Variants in MAN2A2 observed in about 807,000 individuals in gnomAD.
MAN2A2 encodes alpha-mannosidase 2x.
Under a neutral mutation model 126.8 loss-of-function variants are expected in MAN2A2, and 79 were observed. That is an observed-to-expected ratio of 0.62 (90% CI 0.52 to 0.75). The LOEUF (loss-of-function observed/expected upper bound fraction) is 0.75, where lower values mean the gene tolerates loss of function less well. Ranked by LOEUF, MAN2A2 falls within the 30% of genes least tolerant of loss-of-function variation. The probability of loss-of-function intolerance (pLI) is 0.00; values close to 1 mark genes in which losing one functional copy is unlikely to be tolerated. For synonymous variants in MAN2A2, 671 were observed against 618.7 expected (o/e 1.08, Z -1.25); for missense variants, 1,392 against 1,522.4 (o/e 0.91, Z 1.43).
intron 20 of MAN2A2, 183 bp downstream of exon 20, chr15:90,916,439 C>T (rs527991800): frequency 1.9e-6 from 2 of 1,075,482 alleles, no homozygotes; most frequent in East Asian, 5.2e-5. Context: ...CAGCCTGGCA[C>T]CTTCCTCTCC....
At position 90,909,345 on chromosome 15, in the gene MAN2A2, C is replaced by A. The variant is rs754403195; in HGVS notation, c.1215C>A (p.Asp405Glu). ...GCCCCAGGGCAGCCCTGCTTCTGGA[C>A]CAATACCGGAAGAAGTCCCAGCTGT... is the stretch of plus-strand genomic sequence containing the variant. ...NVAERAALLL[D>E]QYRKKSQLFR... The change falls in exon 9 of 23, where the codon GAC becomes GAA. Residue 405 changes from aspartate to glutamate, a missense_variant. By Grantham distance (45) the Asp-to-Glu change is conservative (BLOSUM62 2). Coordinates refer to ENST00000559717, the MANE Select transcript of MAN2A2 (RefSeq NM_006122.4). 2.1e-5 allele frequency: 34 copies of A among 1,612,780 alleles called. No homozygotes were observed. Among genetic ancestry groups the A allele is most frequent in the Non-Finnish European group, 2.9e-5 (34 of 1,178,954 alleles).
intron 6 of MAN2A2, 32 bp from the exon 7 acceptor site, chr15:90,906,708 C>T: frequency 6.2e-7 from 1 of 1,606,168 alleles, no homozygotes; most frequent in Non-Finnish European, 8.5e-7. Flanking sequence ...GAGGTGTGTT[C>T]AGGGCCTCTC....
intron 12 of MAN2A2, 78 bp downstream of exon 12, chr15:90,911,039 C>A: frequency 6.7e-6 from 10 of 1,483,704 alleles, no homozygotes; most frequent in Non-Finnish European, 8.4e-6. Flanking sequence ...ATGGGGGTGC[C>A]GCTTCTCTTT....
chr15:90,911,627 C>G, intron 14 of MAN2A2, 77 bp downstream of exon 14: 1 of 1,457,430 alleles, frequency 6.9e-7, no homozygotes, highest in Admixed American at 2.1e-5. Flanking sequence ...CGCCAGCCTC[C>G]CACCCTCCTG....
At chr15:90,911,055 T>A (rs1596157411) in intron 12 of MAN2A2, 94 bp downstream of exon 12, 1 of 1,479,004 alleles carries the variant, frequency 6.8e-7, no homozygotes, top group Non-Finnish European at 9.4e-7. Flanking sequence ...TCTTTTTCCT[T>A]CCCCATCCGG....
In MAN2A2 at chr15:90,904,337, C is replaced by CGGGT; in HGVS notation, c.132_132+3dup. On this transcript the variant is annotated frameshift_variant and splice_region_variant, in exon 2 of 23. Coordinates refer to ENST00000559717, the MANE Select transcript of MAN2A2 (RefSeq NM_006122.4). LOFTEE classifies it high-confidence loss of function. ...ACACCAGAATGGTGGGAACTTCCCC[C>CGGGT]GGGTGAGTCGTGCCTGGTTGCTAAT... is the stretch of plus-strand genomic sequence containing the variant. 3.1e-6 allele frequency: 5 copies of CGGGT among 1,613,236 alleles called. No homozygotes were observed. Among genetic ancestry groups the CGGGT allele is most frequent in the Non-Finnish European group, 4.2e-6 (5 of 1,179,296 alleles).
Position 90,912,121 on chromosome 15 carries a change from C to G in MAN2A2, c.2188C>G (p.Leu730Val). Residue 730 changes from leucine (L) to valine (V), a missense_variant, in exon 15 of 23, where the codon CTG becomes GTG. Transcript: ENST00000559717. ...GCTGGGCCTGGATGGGCACCGCACG[C>G]TGCCCTCCTCTGTGCGCATCTACCT... ...LQLGLDGHRT[L>V]PSSVRIYLHG... is the part of the protein sequence containing the mutation. 6.2e-7 allele frequency: 1 copy of G among 1,613,732 alleles called. No homozygotes were observed. The highest frequency in any genetic ancestry group is 2.2e-5 in the East Asian group (1 of 44,874).
rs1323908658 is a variant in MAN2A2, at chr15:90,907,470, A to G, written c.1171A>G (p.Ile391Val). The stretch of plus-strand genomic sequence containing the variant: ...CCCTTGGAAGGTGCCACCCCGGGCC[A>G]TCACAGAGGCCAACGTGGCAGAGAG... ...NCPWKVPPRAITEANVAERAA... is the reference protein window; with the variant it reads ...NCPWKVPPRAVTEANVAERAA... The change falls in exon 8 of 23, where the codon ATC becomes GTC. Residue 391 changes from isoleucine to valine, a missense_variant. By Grantham distance (29) the Ile-to-Val change is conservative. Coordinates refer to ENST00000559717, the MANE Select transcript of MAN2A2 (RefSeq NM_006122.4). 3.7e-6 allele frequency: 6 copies of G among 1,613,052 alleles called. No individual in the cohort carries two copies. In the South Asian group the frequency reaches 4.4e-5, roughly 12 times the overall value.
chr15:90,912,260 G>C lies in MAN2A2; in HGVS notation c.2327G>C (p.Gly776Ala). Reference protein sequence around the residue: ...SNRYMQVWFSGLTGLLKSIRR... With the variant: ...SNRYMQVWFSALTGLLKSIRR... Reference sequence around the variant, plus strand: ...CGCTACATGCAGGTCTGGTTCTCAGGCCTTACTGGGCTCCTCAAGGTAAAA... The same window carrying C: ...CGCTACATGCAGGTCTGGTTCTCAGCCCTTACTGGGCTCCTCAAGGTAAAA... The change falls in exon 15 of 23, where the codon GGC (glycine) becomes GCC (alanine). Residue 776 changes from glycine to alanine, a missense_variant. Transcript: ENST00000559717. 1 of 1,614,232 alleles carries C rather than the reference G, an allele frequency of 6.2e-7. No individual in the cohort carries two copies. The highest frequency in any genetic ancestry group is 8.5e-7 in the Non-Finnish European group (1 of 1,180,042).
In MAN2A2 at chr15:90,918,629, A is replaced by G. The variant is rs777966466; in HGVS notation, c.3190-16A>G. On this transcript the variant is annotated splice_polypyrimidine_tract_variant and intron_variant, in intron 21 of 22. Transcript: ENST00000559717. ...AAGCCCTGCGCCCACTTCCCTGGGCACTGTCTGTCATCCAGGAGGACACCC... is the reference window on the plus strand; with the variant it reads ...AAGCCCTGCGCCCACTTCCCTGGGCGCTGTCTGTCATCCAGGAGGACACCC... The G allele has an allele frequency of 1.3e-6, 2 of 1,490,868 alleles. No individual in the cohort carries two copies. Among genetic ancestry groups the G allele is most frequent in the Non-Finnish European group, 1.9e-6 (2 of 1,069,604 alleles). The allele number at this position is 1,490,868 out of a possible 1,614,324, so 92.4% of individuals were successfully genotyped here. A position where few individuals can be genotyped will look rare whatever the true frequency, so the allele number is the denominator to read the frequency against.
intron 19 of MAN2A2, among the ~76,000 whole-genome samples, chr15:90,915,774 CA>C (rs1354050322): frequency 6.6e-6 from 1 of 152,244 alleles, no homozygotes; most frequent in Non-Finnish European, 1.5e-5. Context: ...CTAAGTTTTT[CA>C]TTTCTGGTTT....
intron 19 of MAN2A2, 97 bp downstream of exon 19, chr15:90,913,852 T>C (rs2034970361): frequency 2.8e-6 from 4 of 1,415,762 alleles, no homozygotes; most frequent in Non-Finnish European, 3.7e-6. Flanking sequence ...CCCTTGCCTC[T>C]TTCTGGACTG....
intron 15 of MAN2A2, 99 bp downstream of exon 15, chr15:90,912,378 G>C: frequency 6.4e-7 from 1 of 1,562,786 alleles, no homozygotes; most frequent in South Asian, 1.1e-5. Context: ...TGAGCATTCT[G>C]CCACCTGACC....
chr15:90,905,979 G>A lies in MAN2A2; in HGVS notation c.670G>A (p.Asp224Asn). ...AEVSFFAKWW[D>N]NINVQKRAAV... ...GGTCTCCTTCTTCGCCAAGTGGTGG[G>A]ACAACATCAATGTCCAAAAGAGAGC... Residue 224 changes from aspartate to asparagine, a missense_variant, in exon 5 of 23, where the codon GAC becomes AAC. Asp to Asn is a conservative substitution (Grantham distance 23). Transcript: ENST00000559717. The A allele has an allele frequency of 6.2e-7, 1 of 1,614,052 alleles. No homozygotes were observed.
At chr15:90,911,853 C>T (rs2034773593) in intron 14 of MAN2A2, 190 bp from the exon 15 acceptor site, 1 of 646,732 alleles carries the variant, frequency 1.5e-6, no homozygotes, top group South Asian at 1.8e-5. Flanking sequence ...CATACTTTTT[C>T]AAATATCACT....
Position 90,919,672 on chromosome 15 carries a change from T to C in MAN2A2, c.3338T>C (p.Val1113Ala), listed in dbSNP as rs1356805945. The change falls in exon 23 of 23, where the codon GTA becomes GCA. Residue 1113 changes from valine (V) to alanine (A), a missense_variant. Coordinates refer to ENST00000559717, the MANE Select transcript of MAN2A2 (RefSeq NM_006122.4). ...AGCCTTTTCCATGGCCTGGATGTGG[T>C]ATTCCTTCAGCCAACCTCCTTGACG... ...LGSLFHGLDV[V>A]FLQPTSLTLL... 1 of 1,614,090 alleles carries C rather than the reference T, an allele frequency of 6.2e-7. No homozygotes were observed. The highest frequency in any genetic ancestry group is 1.3e-5 in the African/African-American group (1 of 74,934).
intron 9 of MAN2A2, among the ~76,000 whole-genome samples, 191 bp from the exon 10 acceptor site, chr15:90,909,899 A>G (rs899048140): frequency 1.3e-5 from 2 of 152,184 alleles, no homozygotes; most frequent in African/African-American, 4.8e-5. Context: ...CACCGCGCCC[A>G]GCCGAAGGTG....
chr15:90,907,678 T>C (rs532910578), intron 8 of MAN2A2, among the ~76,000 whole-genome samples, 183 bp downstream of exon 8: 2 of 152,362 alleles, frequency 1.3e-5, no homozygotes, highest in East Asian at 3.9e-4. Context: ...CACAGAATGC[T>C]TTTAGGTTCT....
chr15:90,911,956 C>G (rs771629765), intron 14 of MAN2A2, 87 bp from the exon 15 acceptor site: 7 of 1,139,400 alleles, frequency 6.1e-6, no homozygotes, highest in Non-Finnish European at 7.7e-6. Flanking sequence ...CAGGGGCTTG[C>G]TCAAGCCCTC....
Sources: allele counts gnomAD v4.1 joint callset (sites outside exome capture counted in the v4.1 genomes callset), GRCh38; gene constraint gnomAD v4.1.1; transcripts MANE v1.5; gene names NCBI Gene and HGNC (gene_info 2026-07-23, HGNC 2026-07-21).